Variants in SPEF2 observed in about 807,000 individuals in gnomAD.
SPEF2 encodes sperm flagella and cilia-associated protein 2.
A neutral mutation model predicts 224.6 loss-of-function variants in SPEF2; 187 were observed. The ratio of observed to expected loss-of-function variants is 0.83; its 90% CI spans 0.74 to 0.94. The LOEUF (loss-of-function observed/expected upper bound fraction) is 0.94. Ranked by LOEUF, SPEF2 falls within the 40% of genes least tolerant of loss-of-function variation. The probability of loss-of-function intolerance (pLI) is 0.00; values close to 1 mark genes in which losing one functional copy is unlikely to be tolerated. For synonymous variants in SPEF2, 715 were observed against 707.3 expected (o/e 1.01, Z -0.17); for missense variants, 2,170 against 2,135.6 (o/e 1.02, Z -0.32).
intron 30 of SPEF2, chr5:35,788,947 A>C: frequency 1.4e-6 from 1 of 703,068 alleles, no homozygotes; most frequent in Admixed American, 2.0e-5. Context: ...CTCAAATAGG[A>C]GACAGGAAGT....
At chr5:35,769,878 T>C (rs1053779605) in intron 26 of SPEF2, among the ~76,000 whole-genome samples, 1 of 151,926 alleles carries the variant, frequency 6.6e-6, no homozygotes. Context: ...CTCACCCCAT[T>C]CTCCCCAGAA....
Position 35,697,570 on chromosome 5 carries a change from G to A in SPEF2, c.2038-120G>A, listed in dbSNP as rs1452204637. 1.5e-5 allele frequency: 11 copies of A among 735,340 alleles called. No individual in the cohort carries two copies. The Admixed American group carries it at 1.6e-4, about 11-fold the overall frequency. The allele number at this position is 735,340 out of a possible 1,614,324, so 45.6% of individuals were successfully genotyped here. ...GAAATGCTTCCCTGACTCCCGAACT[G>A]TGCCACATGATCAGTGTCATCATCA... On this transcript the variant is annotated intron_variant, in intron 14 of 36. Transcript: ENST00000356031.
Position 35,664,895 on chromosome 5 carries a change from G to T in SPEF2, c.1168-2177G>T, listed in dbSNP as rs1033873777. On this transcript the variant is annotated intron_variant, in intron 8 of 36. Coordinates refer to ENST00000356031, the MANE Select transcript of SPEF2 (RefSeq NM_024867.4). The stretch of plus-strand genomic sequence containing the variant: ...GTTTTTCTTTCACTCTCAATTTTTT[G>T]AGCGTTTTTGTTTTGTTTTTAGATT... Among the ~76,000 whole-genome samples the T allele has an allele frequency of 2.0e-5, 3 of 151,906 alleles. No homozygotes were observed. The East Asian group carries it at 5.8e-4, about 29-fold the overall frequency.
chr5:35,710,525 C>G, intron 19 of SPEF2: 1 of 956,516 alleles, frequency 1.0e-6, no homozygotes, highest in African/African-American at 1.8e-5. Context: ...CCACTGCACT[C>G]TAGCCTGGGG....
intron 1 of SPEF2, among the ~76,000 whole-genome samples, chr5:35,625,025 G>T (rs1744040975): frequency 6.6e-6 from 1 of 152,002 alleles, no homozygotes; most frequent in African/African-American, 2.4e-5. Context: ...TTTCCTATAT[G>T]TATTCTTTTT....
chr5:35,763,832 T>G (rs887239153), intron 26 of SPEF2, 130 bp downstream of exon 26: 2 of 790,184 alleles, frequency 2.5e-6, no homozygotes, highest in South Asian at 6.6e-5. Context: ...TTCGAAACAT[T>G]TTTTTTCTGA....
At chr5:35,625,656 C>T (rs1744131229) in intron 1 of SPEF2, among the ~76,000 whole-genome samples, 1 of 152,118 alleles carries the variant, frequency 6.6e-6, no homozygotes, top group African/African-American at 2.4e-5. Flanking sequence ...TGTCCAGTGG[C>T]TCTTTAGAAA....
rs73084351 is a variant in SPEF2 at position 35,705,780 on chromosome 5, G to T, written c.2637G>T (p.Thr879=). The change falls in exon 18 of 37, where the codon ACG becomes ACT. Residue 879 remains threonine (T), a synonymous_variant. Coordinates refer to ENST00000356031, the MANE Select transcript of SPEF2 (RefSeq NM_024867.4). ...GTGAAAAAGTAAAAGAAATTCTTAC[G>T]ACTGAAATAGCAAAAAAAAAGAATA... ...SLCEKVKEIL[T]TEIAKKKNKV... 3 of 1,502,398 alleles carry T rather than the reference G, an allele frequency of 2.0e-6. No homozygotes were observed. The South Asian group carries it at 3.8e-5, about 19-fold the overall frequency. 93.1% of individuals were successfully genotyped at this position (1,502,398 alleles called of 1,614,324 possible).
intron 34 of SPEF2, among the ~76,000 whole-genome samples, chr5:35,805,461 G>T (rs1757942170): frequency 6.6e-6 from 1 of 152,070 alleles, no homozygotes; most frequent in Non-Finnish European, 1.5e-5. Context: ...TACTTCTACT[G>T]AATTGAATAT....
At position 35,644,894 on chromosome 5, in the gene SPEF2, C is replaced by G. The variant is rs1322137928; in HGVS notation, c.585+369C>G. On this transcript the variant is annotated intron_variant, in intron 4 of 36. Coordinates refer to ENST00000356031, the MANE Select transcript of SPEF2 (RefSeq NM_024867.4). The stretch of plus-strand genomic sequence containing the variant: ...ATTGTCACCACTGAGGGAGATAGAT[C>G]AGACAATGTCCTCTCGCTTTCTCCT... 3.9e-5 allele frequency among the ~76,000 whole-genome samples: 6 copies of G among 152,216 alleles called. No individual in the cohort carries two copies. The East Asian group carries it at 1.2e-3, about 29-fold the overall frequency.
At chr5:35,814,303 G>T (rs912716249) in intron 36 of SPEF2, among the ~76,000 whole-genome samples, 161 bp from the exon 37 acceptor site, 6 of 151,764 alleles carry the variant, frequency 4.0e-5, no homozygotes, top group Admixed American at 6.6e-5. Context: ...TCTCAGGGTG[G>T]GATTAAAACT....
intron 1 of SPEF2, among the ~76,000 whole-genome samples, chr5:35,624,010 A>G (rs1743868953): frequency 6.6e-6 from 1 of 152,220 alleles, no homozygotes; most frequent in Non-Finnish European, 1.5e-5. Context: ...GCAGCTTGTA[A>G]ATGAGCCACA....
rs144215474 is a variant in SPEF2 at position 35,811,796 on chromosome 5, G to T, written c.5380-2668G>T. On this transcript the variant is annotated intron_variant, in intron 36 of 36. Coordinates refer to ENST00000356031, the MANE Select transcript of SPEF2 (RefSeq NM_024867.4). ...TTTTTTTTTTTTTTTTTGAGACAGA[G>T]TCTCGCTCTGTTGCTCAGGCTGGAG... 3.8e-3 allele frequency among the ~76,000 whole-genome samples: 493 copies of T among 129,202 alleles called. 1 individual carries two copies. The highest frequency in any genetic ancestry group is 5.1e-3 in the Non-Finnish European group (332 of 64,512). The allele number at this position is 129,202 out of a possible 152,430, so 84.8% of individuals were successfully genotyped here.
At chr5:35,701,735 A>C (rs1437941990) in intron 16 of SPEF2, among the ~76,000 whole-genome samples, 1 of 152,130 alleles carries the variant, frequency 6.6e-6, no homozygotes. Context: ...CAATTTCCAC[A>C]CTGTAAAAAA....
intron 30 of SPEF2, among the ~76,000 whole-genome samples, chr5:35,783,042 G>A (rs989386633): frequency 1.3e-5 from 2 of 152,142 alleles, no homozygotes; most frequent in African/African-American, 4.8e-5. Flanking sequence ...TACTTTAGAA[G>A]CATAAGAACA....
Position 35,806,941 on chromosome 5 carries a change from A to G in SPEF2, c.5245A>G (p.Ile1749Val). 1 of 1,599,860 alleles carries G rather than the reference A, an allele frequency of 6.3e-7. No homozygotes were observed. The highest frequency in any genetic ancestry group is 8.5e-7 in the Non-Finnish European group (1 of 1,174,616). The change falls in exon 35 of 37, where the codon ATT (isoleucine) becomes GTT (valine). Residue 1749 changes from isoleucine to valine, a missense_variant. By Grantham distance (29) the Ile-to-Val change is conservative (BLOSUM62 3). Transcript: ENST00000356031. Reference protein sequence around the residue: ...RFASHLKIENIYAEGFIKTFQ... With the variant: ...RFASHLKIENVYAEGFIKTFQ... ...TGCCAGCCACCTAAAGATAGAGAAC[A>G]TTTATGCAGAGGTTGGTTAAATTAT...
At chr5:35,719,180 T>C (rs1743161851) in intron 20 of SPEF2, among the ~76,000 whole-genome samples, 1 of 152,230 alleles carries the variant, frequency 6.6e-6, no homozygotes, top group Non-Finnish European at 1.5e-5. Context: ...ATCCCTTTTG[T>C]TCTTTTTGAC....
intron 10 of SPEF2, among the ~76,000 whole-genome samples, chr5:35,672,371 G>T (rs1289835771): frequency 7.0e-6 from 1 of 142,990 alleles, no homozygotes; most frequent in Non-Finnish European, 1.5e-5. Context: ...TTATGTTCAA[G>T]CAAATGTATT....
At position 35,716,711 on chromosome 5, in the gene SPEF2, A is replaced by C. The variant is rs1415548636; in HGVS notation, c.2914+3825A>C. Among the ~76,000 whole-genome samples, 3 of 152,222 alleles carry C rather than the reference A, an allele frequency of 2.0e-5. No homozygotes were observed. The East Asian group carries it at 5.8e-4, about 29-fold the overall frequency. On this transcript the variant is annotated intron_variant, in intron 20 of 36. Coordinates refer to ENST00000356031, the MANE Select transcript of SPEF2 (RefSeq NM_024867.4). ...TTACATATAAATCATGTGGTTTTGG[A>C]CTTCCTTCATGTGAAAGAAATGATT...
Sources: allele counts gnomAD v4.1 joint callset (sites outside exome capture counted in the v4.1 genomes callset), GRCh38; gene constraint gnomAD v4.1.1; transcripts MANE v1.5; gene names NCBI Gene and HGNC (gene_info 2026-07-23, HGNC 2026-07-21).